B3GALT5: variants seen among roughly 807,000 people sequenced by gnomAD.
B3GALT5 encodes beta-1,3-galactosyltransferase 5.
For synonymous variants in B3GALT5, 156 were observed against 158.6 expected (o/e 0.98, Z 0.12); for missense variants, 328 against 396.6 (o/e 0.83, Z 1.47).
chr21:39,662,690 G>A lies in B3GALT5; in HGVS notation c.*1198G>A, dbSNP rs1269953628. ...CCTACCCAGAGGTTTGTGCGAGCCT[G>A]TGTTGCAGGGTTGTATAAAACCAAG... is the stretch of plus-strand genomic sequence containing the variant. On this transcript the variant is annotated 3_prime_UTR_variant, in exon 4 of 4. Coordinates refer to ENST00000684187, the MANE Select transcript of B3GALT5 (RefSeq NM_001356336.2). 2.4e-5 allele frequency: 4 copies of A among 167,580 alleles called. No homozygotes were observed. In the East Asian group the frequency reaches 7.7e-4, roughly 32 times the overall value. 10.4% of individuals were successfully genotyped at this position (167,580 alleles called of 1,614,324 possible).
rs1227023254 is a variant in B3GALT5 at position 39,662,177 on chromosome 21, C to A, written c.*685C>A. 1.8e-5 allele frequency: 3 copies of A among 167,098 alleles called. No individual in the cohort carries two copies. The highest frequency in any genetic ancestry group is 4.4e-5 in the Non-Finnish European group (3 of 68,142). The allele number at this position is 167,098 out of a possible 1,614,324, so 10.4% of individuals were successfully genotyped here. ...CCCCGCAGTGGATGCAGCTCACATG[C>A]TGAGGAACACCCAGCTCTGGACAGA... On this transcript the variant is annotated 3_prime_UTR_variant, in exon 4 of 4. Coordinates refer to ENST00000684187, the MANE Select transcript of B3GALT5 (RefSeq NM_001356336.2).
At position 39,666,814 on chromosome 21, in the gene B3GALT5, CCTT is replaced by C. The variant is rs1400466974; in HGVS notation, c.*5326_*5328del. 1 of 152,264 alleles carries C rather than the reference CCTT, an allele frequency of 6.6e-6. No individual in the cohort carries two copies. Among genetic ancestry groups the C allele is most frequent in the Non-Finnish European group, 1.5e-5 (1 of 68,080 alleles). 9.4% of individuals were successfully genotyped at this position (152,264 alleles called of 1,614,324 possible). On this transcript the variant is annotated 3_prime_UTR_variant, in exon 4 of 4. Coordinates refer to ENST00000684187, the MANE Select transcript of B3GALT5 (RefSeq NM_001356336.2). ...TCCAAGTCAACAATAACTTGCCAGGCCTTCTTTCCTTGAGCCCCATATCCCACG... is the reference window on the plus strand; with the variant it reads ...TCCAAGTCAACAATAACTTGCCAGGCCTTTCCTTGAGCCCCATATCCCACG...
intron 2 of B3GALT5, among the ~76,000 whole-genome samples, chr21:39,652,142 C>A (rs569074156): frequency 1.3e-5 from 2 of 152,302 alleles, no homozygotes; most frequent in African/African-American, 2.4e-5. Context: ...AGGTGCCCCC[C>A]CAAGCTGGGT....
chr21:39,613,139 G>A (rs898709205), intron 1 of B3GALT5, 72 bp downstream of exon 1: 5 of 149,320 alleles, frequency 3.3e-5, no homozygotes, highest in African/African-American at 1.2e-4. Context: ...CCTGCGGCGC[G>A]CGGGGGCGTG....
intron 2 of B3GALT5, among the ~76,000 whole-genome samples, chr21:39,650,593 G>T (rs1488302946): frequency 3.3e-5 from 5 of 152,140 alleles, no homozygotes; most frequent in African/African-American, 4.8e-5. Flanking sequence ...CAACCAAGGG[G>T]ACGCCACAAG....
Position 39,663,020 on chromosome 21 carries a change from C to G in B3GALT5, c.*1528C>G, listed in dbSNP as rs1360308884. 6.6e-6 allele frequency: 1 copy of G among 152,292 alleles called. No homozygotes were observed. The highest frequency in any genetic ancestry group is 1.9e-4 in the East Asian group (1 of 5,196). The allele number at this position is 152,292 out of a possible 1,614,324, so 9.4% of individuals were successfully genotyped here. ...AAGCTGCTTCTTTGTAGATGTGTTT[C>G]CTCATCCTGGCTGCTCTGAACGCAC... is the stretch of plus-strand genomic sequence containing the variant. On this transcript the variant is annotated 3_prime_UTR_variant, in exon 4 of 4. Coordinates refer to ENST00000684187, the MANE Select transcript of B3GALT5 (RefSeq NM_001356336.2).
In B3GALT5 at chr21:39,667,819, C is replaced by T. The variant is rs1188091316; in HGVS notation, c.*6327C>T. The T allele has an allele frequency of 6.6e-6, 1 of 152,208 alleles. No individual in the cohort carries two copies. The highest frequency in any genetic ancestry group is 1.5e-5 in the Non-Finnish European group (1 of 68,040). The allele number at this position is 152,208 out of a possible 1,614,324, so 9.4% of individuals were successfully genotyped here. A position where few individuals can be genotyped will look rare whatever the true frequency, so the allele number is the denominator to read the frequency against. On this transcript the variant is annotated 3_prime_UTR_variant, in exon 4 of 4. Coordinates refer to ENST00000684187, the MANE Select transcript of B3GALT5 (RefSeq NM_001356336.2). ...GCTGGGCGACCCACTTACGGAGGCC[C>T]CATTCCATTTACATCTCCGCTCAAG...
intron 1 of B3GALT5, among the ~76,000 whole-genome samples, chr21:39,615,711 T>A (rs2123679557): frequency 6.6e-6 from 1 of 152,350 alleles, no homozygotes; most frequent in South Asian, 2.1e-4. Flanking sequence ...TAATTGAAAT[T>A]GAAGAGAATA....
chr21:39,648,490 G>A (rs1400789968), intron 2 of B3GALT5, among the ~76,000 whole-genome samples: 1 of 152,164 alleles, frequency 6.6e-6, no homozygotes, highest in Admixed American at 6.5e-5. Flanking sequence ...AGAGTCTAGG[G>A]GGTTAAGTGA....
At chr21:39,618,271 CA>C (rs2079117342) in intron 1 of B3GALT5, among the ~76,000 whole-genome samples, 1 of 152,188 alleles carries the variant, frequency 6.6e-6, no homozygotes, top group Non-Finnish European at 1.5e-5. Context: ...CATTCTTATA[CA>C]TATCTCCTTT....
intron 1 of B3GALT5, among the ~76,000 whole-genome samples, chr21:39,632,333 G>A (rs1461111940): frequency 6.6e-6 from 1 of 152,180 alleles, no homozygotes; most frequent in Non-Finnish European, 1.5e-5. Flanking sequence ...GTAGGCTATT[G>A]GTGACCTTTG....
intron 1 of B3GALT5, among the ~76,000 whole-genome samples, chr21:39,630,029 C>T (rs945950333): frequency 5.9e-5 from 9 of 152,096 alleles, no homozygotes; most frequent in Non-Finnish European, 7.4e-5. Context: ...TATATATTCT[C>T]AATAAAATTT....
intron 1 of B3GALT5, among the ~76,000 whole-genome samples, chr21:39,614,723 A>G (rs1021234999): frequency 1.3e-5 from 2 of 152,186 alleles, no homozygotes; most frequent in African/African-American, 4.8e-5. Flanking sequence ...AGACGGGTCC[A>G]AGAAGAGTTT....
Position 39,640,084 on chromosome 21 carries a change from T to A in B3GALT5, c.-391-6308T>A, listed in dbSNP as rs370356606. Among the ~76,000 whole-genome samples, 64 of 142,686 alleles carry A rather than the reference T, an allele frequency of 4.5e-4. 1 individual carries two copies. In the South Asian group the frequency reaches 0.016, roughly 35 times the overall value. 93.6% of individuals were successfully genotyped at this position (142,686 alleles called of 152,430 possible). On this transcript the variant is annotated intron_variant, in intron 1 of 3. Coordinates refer to ENST00000684187, the MANE Select transcript of B3GALT5 (RefSeq NM_001356336.2). ...GCCATGGTAGAGGGTGGGGGTGGGCTTTAAAACGGTGTTATTCCCATTTGA... is the reference window on the plus strand; with the variant it reads ...GCCATGGTAGAGGGTGGGGGTGGGCATTAAAACGGTGTTATTCCCATTTGA...
At chr21:39,635,887 A>T (rs933989188) in intron 1 of B3GALT5, among the ~76,000 whole-genome samples, 1 of 152,110 alleles carries the variant, frequency 6.6e-6, no homozygotes, top group African/African-American at 2.4e-5. Flanking sequence ...ATGTGCTCTT[A>T]GTTTCCTTTT....
In B3GALT5 at chr21:39,660,664, C is replaced by A. The variant is rs140053566; in HGVS notation, c.105C>A (p.Ser35=). The A allele has an allele frequency of 1.3e-6, 2 of 1,549,554 alleles. No homozygotes were observed. Among genetic ancestry groups the A allele is most frequent in the African/African-American group, 1.4e-5 (1 of 72,572 alleles). Residue 35 remains serine, a synonymous_variant, in exon 4 of 4, where the codon TCC becomes TCA. Coordinates refer to ENST00000684187, the MANE Select transcript of B3GALT5 (RefSeq NM_001356336.2). ...GTCTAAATCCTTTCAAAGAACAGTC[C>A]TTTGTTTACAAGAAAGACGGGAACT... ...MYSLNPFKEQ[S]FVYKKDGNFL...
In B3GALT5 at chr21:39,661,641, A is replaced by G; in HGVS notation, c.*149A>G. 1.3e-6 allele frequency: 1 copy of G among 745,058 alleles called. No homozygotes were observed. Among genetic ancestry groups the G allele is most frequent in the Non-Finnish European group, 2.0e-6 (1 of 498,390 alleles). 46.2% of individuals were successfully genotyped at this position (745,058 alleles called of 1,614,324 possible). On this transcript the variant is annotated 3_prime_UTR_variant, in exon 4 of 4. Coordinates refer to ENST00000684187, the MANE Select transcript of B3GALT5 (RefSeq NM_001356336.2). The surrounding 1 kb of genome is among the most constrained non-coding windows in gnomAD (Gnocchi z 4.7). ...GTCGGTGTTCATGAAGTCACTGATT[A>G]GTTCCCACTTGGTGCCCCAGGCAAT...
intron 1 of B3GALT5, among the ~76,000 whole-genome samples, chr21:39,639,089 A>C (rs545796142): frequency 6.6e-6 from 1 of 152,306 alleles, no homozygotes; most frequent in Admixed American, 6.5e-5. Flanking sequence ...CCACGAAAGG[A>C]AGGTCCACGT....
intron 1 of B3GALT5, among the ~76,000 whole-genome samples, chr21:39,620,657 T>C (rs1169633373): frequency 6.6e-6 from 1 of 152,206 alleles, no homozygotes; most frequent in Non-Finnish European, 1.5e-5. Context: ...GTCTTTGCTC[T>C]GCTTGTTTAA....
Sources: allele counts gnomAD v4.1 joint callset (sites outside exome capture counted in the v4.1 genomes callset), GRCh38; gene constraint gnomAD v4.1.1; non-coding constraint Gnocchi (gnomAD v3.1); transcripts MANE v1.5; gene names NCBI Gene and HGNC (gene_info 2026-07-23, HGNC 2026-07-21).